CLVS1: variants seen among roughly 807,000 people sequenced by gnomAD.
CLVS1 encodes the protein clavesin-1.
CLVS1 carries 10 observed loss-of-function variants against 33.1 expected under a neutral mutation model. That is an observed-to-expected ratio of 0.30 (90% CI 0.19 to 0.51). The LOEUF is 0.51. Among genes scored for constraint, CLVS1 ranks in the 20% least tolerant of loss-of-function variants. CLVS1 has a pLI of 0.97. For synonymous variants in CLVS1, 163 were observed against 166.1 expected (o/e 0.98, Z 0.14); for missense variants, 343 against 433.4 (o/e 0.79, Z 1.85).
intron 2 of CLVS1, among the ~76,000 whole-genome samples, chr8:61,342,943 T>C (rs1255458105): frequency 6.6e-6 from 1 of 152,182 alleles, no homozygotes; most frequent in Non-Finnish European, 1.5e-5. Flanking sequence ...GGGAGAAGAA[T>C]GAAAAGTAGA....
rs746621064 is a variant in CLVS1, at chr8:61,458,481, A to T, written c.916A>T (p.Met306Leu). The change falls in exon 5 of 6, where the codon ATG becomes TTG. Residue 306 changes from methionine (M) to leucine (L), a missense_variant. Transcript: ENST00000325897. ...NDYTHTSYNAMHVKHTSSNLE... is the reference protein window; with the variant it reads ...NDYTHTSYNALHVKHTSSNLE... The stretch of plus-strand genomic sequence containing the variant: ...CTATACTCACACATCCTATAATGCA[A>T]TGCACGTGAAGCATACGTCCTCGAA... The T allele has an allele frequency of 1.2e-6, 2 of 1,613,960 alleles. No homozygotes were observed. The highest frequency in any genetic ancestry group is 2.2e-5 in the South Asian group (2 of 91,068).
intron 3 of CLVS1, among the ~76,000 whole-genome samples, chr8:61,443,566 T>C (rs1175843391): frequency 6.6e-6 from 1 of 152,214 alleles, no homozygotes; most frequent in Non-Finnish European, 1.5e-5. Flanking sequence ...TGTGATTCTA[T>C]TCTTGGGTCC....
At chr8:61,371,754 G>A (rs1585875538) in intron 2 of CLVS1, among the ~76,000 whole-genome samples, 1 of 152,274 alleles carries the variant, frequency 6.6e-6, no homozygotes, top group East Asian at 1.9e-4. Context: ...GTATGGTGCT[G>A]TTGACTTAGG....
Position 61,171,655 on chromosome 8 carries a change from A to C in CLVS1, c.-152+39795A>C, listed in dbSNP as rs571618073. Among the ~76,000 whole-genome samples, 11 of 152,306 alleles carry C rather than the reference A, an allele frequency of 7.2e-5. No individual in the cohort carries two copies. In the South Asian group the frequency reaches 2.3e-3, roughly 32 times the overall value. ...TTCCTCTTTTTAAAATAAGCATGCT[A>C]AGAAACAGGCAATGTATTAGATGCT... On this transcript the variant is annotated intron_variant, in intron 2 of 2. Coordinates refer to the CLVS1 transcript ENST00000522621.
At position 61,288,091 on chromosome 8, in the gene CLVS1, C is replaced by T. The variant is rs1809833830; in HGVS notation, c.-199C>T. The T allele has an allele frequency of 2.2e-6, 1 of 456,256 alleles. No individual in the cohort carries two copies. Among genetic ancestry groups the T allele is most frequent in the Non-Finnish European group, 4.4e-6 (1 of 226,950 alleles). The allele number at this position is 456,256 out of a possible 1,614,324, so 28.3% of individuals were successfully genotyped here. On this transcript the variant is annotated 5_prime_UTR_variant, in exon 1 of 6. Transcript: ENST00000325897. ...CACCCACCCAGTTCAGCAGCGAGGA[C>T]ACCTGCAGAAATACATTCCCAAAGC...
At chr8:61,324,921 C>A (rs1811324710) in intron 2 of CLVS1, among the ~76,000 whole-genome samples, 1 of 152,150 alleles carries the variant, frequency 6.6e-6, no homozygotes, top group Non-Finnish European at 1.5e-5. Context: ...ATACACCCAA[C>A]ATACCATGGC....
intron 2 of CLVS1, among the ~76,000 whole-genome samples, chr8:61,353,690 A>G (rs1812567512): frequency 6.6e-6 from 1 of 151,604 alleles, no homozygotes; most frequent in Non-Finnish European, 1.5e-5. Flanking sequence ...CTAAGGAAGA[A>G]TGAAACAAAA....
At chr8:61,473,274 A>G (rs1009604612) in intron 5 of CLVS1, among the ~76,000 whole-genome samples, 1 of 150,776 alleles carries the variant, frequency 6.6e-6, no homozygotes, top group East Asian at 1.9e-4. Context: ...TGCATTTTCC[A>G]TCACATTAAA....
chr8:61,465,310 C>T (rs7830314), intron 5 of CLVS1: 33,212 of 151,982 alleles, frequency 0.22, 6,163 homozygotes, highest in African/African-American at 0.51. Flanking sequence ...AATCACTTTT[C>T]GTAATCTGGC....
chr8:60,968,531 T>C, the CLVS1 span, among the ~76,000 whole-genome samples: 1 of 134,150 alleles, frequency 7.5e-6, no homozygotes, highest in South Asian at 2.4e-4. Context: ...AAAAAAAAAA[T>C]CAAATTTATA....
At chr8:61,286,222 T>C (rs1323584201), upstream of CLVS1, among the ~76,000 whole-genome samples, 1 of 152,166 alleles carries the variant, frequency 6.6e-6, no homozygotes, top group East Asian at 1.9e-4. Flanking sequence ...AAGTAAGGAA[T>C]TGTCATAGCC....
intron 2 of CLVS1, among the ~76,000 whole-genome samples, chr8:61,178,639 A>G (rs946126792): frequency 6.6e-6 from 1 of 152,252 alleles, no homozygotes; most frequent in African/African-American, 2.4e-5. Context: ...TCAGAGTAAC[A>G]GCAGATCTGT....
intron 3 of CLVS1, among the ~76,000 whole-genome samples, chr8:61,415,361 G>A (rs1815389872): frequency 6.6e-6 from 1 of 152,236 alleles, no homozygotes; most frequent in African/African-American, 2.4e-5. Flanking sequence ...GGGCTGTACT[G>A]CTGTCACAAT....
At chr8:61,214,748 G>A (rs1043885710) in intron 2 of CLVS1, among the ~76,000 whole-genome samples, 1 of 152,188 alleles carries the variant, frequency 6.6e-6, no homozygotes, top group Non-Finnish European at 1.5e-5. Context: ...GATGCCTGGG[G>A]TAACTTTATG....
At chr8:61,497,041 A>T (rs1269903212) in intron 5 of CLVS1, among the ~76,000 whole-genome samples, 1 of 152,226 alleles carries the variant, frequency 6.6e-6, no homozygotes, top group Non-Finnish European at 1.5e-5. Context: ...GGGTTATGAA[A>T]ATGAAATAAG....
chr8:61,404,636 C>T (rs1027988754), intron 3 of CLVS1, among the ~76,000 whole-genome samples: 10 of 152,040 alleles, frequency 6.6e-5, no homozygotes, highest in South Asian at 2.1e-4. Context: ...CATTGGAACT[C>T]GAAGGTAGAT....
intron 1 of CLVS1, among the ~76,000 whole-genome samples, chr8:61,104,453 G>A (rs1805500825): frequency 6.6e-6 from 1 of 152,188 alleles, no homozygotes; most frequent in Admixed American, 6.5e-5. Context: ...AACTCCAACA[G>A]ATGTGATTTT....
chr8:61,074,362 A>T (rs925220338), intron 1 of CLVS1, among the ~76,000 whole-genome samples: 2 of 99,974 alleles, frequency 2.0e-5, no homozygotes, highest in East Asian at 3.7e-4. Flanking sequence ...GTGTGTGTGT[A>T]TATATATATA....
At chr8:61,065,186 T>C (rs1182404455) in intron 1 of CLVS1, among the ~76,000 whole-genome samples, 1 of 152,244 alleles carries the variant, frequency 6.6e-6, no homozygotes, top group Admixed American at 6.5e-5. Context: ...ATTTAACCTA[T>C]GTACGTCCTC....
Sources: gnomAD v4.1 joint callset for allele counts (sites outside exome capture counted in the v4.1 genomes callset) on GRCh38, gnomAD v4.1.1 for gene constraint, MANE v1.5 for transcripts, NCBI Gene and HGNC (gene_info 2026-07-23, HGNC 2026-07-21) for gene names.